Variants in MCM10 observed in about 807,000 individuals in gnomAD.
The protein encoded by MCM10 is protein MCM10 homolog.
In MCM10, 91 loss-of-function variants were observed where a neutral mutation model predicts 109.9. The ratio of observed to expected loss-of-function variants is 0.83; its 90% CI spans 0.70 to 0.99. The LOEUF is 0.99. Ranked by LOEUF, MCM10 falls within the 50% of genes least tolerant of loss-of-function variation. The pLI, the probability that MCM10 is intolerant of heterozygous loss-of-function variation, is 0.00. For synonymous variants in MCM10, 380 were observed against 387.2 expected (o/e 0.98, Z 0.22); for missense variants, 1,077 against 1,061.2 (o/e 1.01, Z -0.21).
rs141623421 is a variant in MCM10 at position 13,194,315 on chromosome 10, A to G, written c.1746-726A>G. On this transcript the variant is annotated intron_variant, in intron 13 of 19. Transcript: ENST00000378714. Reference sequence around the variant, plus strand: ...GAGGCAGAGGTGGCAGCGAGCCGCAATCGTGCCAACGCACTCTAGTCTGGG... The same window carrying G: ...GAGGCAGAGGTGGCAGCGAGCCGCAGTCGTGCCAACGCACTCTAGTCTGGG... 4.8e-4 allele frequency among the ~76,000 whole-genome samples: 73 copies of G among 152,324 alleles called. 2 individuals carry two copies. The highest frequency in any genetic ancestry group is 3.4e-3 in the Middle Eastern group (1 of 292).
rs755015664 is a variant in MCM10 at position 13,164,187 on chromosome 10, C to G, written c.-16C>G. ...CCTCCTTCGAAGTTTCCTGTCACAA[C>G]TGTCCTCTTGACAGCATGGATGGTA... On this transcript the variant is annotated 5_prime_UTR_variant, in exon 2 of 20. Transcript: ENST00000378714. The G allele has an allele frequency of 4.5e-5, 72 of 1,588,810 alleles. No homozygotes were observed. The South Asian group carries it at 7.8e-4, about 17-fold the overall frequency.
At chr10:13,184,018 G>A (rs1374067885) in intron 8 of MCM10, among the ~76,000 whole-genome samples, 1 of 152,056 alleles carries the variant, frequency 6.6e-6, no homozygotes, top group Non-Finnish European at 1.5e-5. Flanking sequence ...ACCATGCCTA[G>A]CTAATTTTTT....
chr10:13,189,632 C>T (rs937606588), intron 10 of MCM10, among the ~76,000 whole-genome samples: 1 of 152,136 alleles, frequency 6.6e-6, no homozygotes, highest in African/African-American at 2.4e-5. Flanking sequence ...CCCTCTTTGA[C>T]TTCTAATGTG....
Position 13,179,356 on chromosome 10 carries a change from T to C in MCM10, c.765-1086T>C, listed in dbSNP as rs542712484. On this transcript the variant is annotated intron_variant, in intron 6 of 19. Transcript: ENST00000378714. ...GCTGGACACCATGGCTGTGGCCCCC[T>C]ACCTGGCCTTCAGGGTTCAGGCAGC... 2.0e-4 allele frequency among the ~76,000 whole-genome samples: 31 copies of C among 152,302 alleles called. 2 individuals are homozygous for C. The South Asian group carries it at 6.2e-3, about 31-fold the overall frequency.
At chr10:13,200,067 G>A (rs574825252) in intron 16 of MCM10, among the ~76,000 whole-genome samples, 43 of 152,262 alleles carry the variant, frequency 2.8e-4, no homozygotes, top group African/African-American at 1.0e-3. Context: ...CTGGGCTCAA[G>A]TGATGTTCCC....
In MCM10 at chr10:13,209,834, C is replaced by T. The variant is rs1165781204; in HGVS notation, c.*524C>T. On this transcript the variant is annotated 3_prime_UTR_variant, in exon 20 of 20. Transcript: ENST00000378714. ...GATTTCTACAAATAATAAAACTTTC[C>T]CATCTAGATAATGATGATCACATAG... 6.4e-6 allele frequency: 1 copy of T among 155,528 alleles called. No homozygotes were observed. Among genetic ancestry groups the T allele is most frequent in the Non-Finnish European group, 1.4e-5 (1 of 70,340 alleles). 9.6% of individuals were successfully genotyped at this position (155,528 alleles called of 1,614,324 possible). A position where few individuals can be genotyped will look rare whatever the true frequency, so the allele number is the denominator to read the frequency against.
At chr10:13,185,498 G>A (rs1043948913) in intron 8 of MCM10, among the ~76,000 whole-genome samples, 1 of 152,166 alleles carries the variant, frequency 6.6e-6, no homozygotes, top group Non-Finnish European at 1.5e-5. Flanking sequence ...TGTCAGGAAA[G>A]CAGAAGCTTC....
chr10:13,197,803 A>C (rs763206456), intron 15 of MCM10, 36 bp downstream of exon 15: 1 of 1,586,372 alleles, frequency 6.3e-7, no homozygotes, highest in Admixed American at 1.9e-5. Flanking sequence ...GGGAAAGAGA[A>C]ACTGTTTCTA....
chr10:13,209,035 T>A (rs1320567578), intron 18 of MCM10, 56 bp from the exon 19 acceptor site: 3 of 1,319,552 alleles, frequency 2.3e-6, no homozygotes, highest in Non-Finnish European at 3.3e-6. Context: ...CACCGTCGTC[T>A]TTACATGAGT....
intron 1 of MCM10, among the ~76,000 whole-genome samples, chr10:13,163,211 C>T (rs781670424): frequency 1.3e-5 from 2 of 151,992 alleles, no homozygotes; most frequent in East Asian, 1.9e-4. Flanking sequence ...TGGTAGTGCA[C>T]GTTTGTAATC....
intron 16 of MCM10, among the ~76,000 whole-genome samples, chr10:13,199,052 C>A (rs770976925): frequency 2.0e-5 from 3 of 152,146 alleles, no homozygotes; most frequent in Non-Finnish European, 4.4e-5. Context: ...CCTGCCACCA[C>A]ACGAAGCAAA....
chr10:13,163,597 T>C (rs61628823), intron 1 of MCM10, among the ~76,000 whole-genome samples: 31,267 of 152,084 alleles, frequency 0.21, 3,406 homozygotes, highest in South Asian at 0.26. Flanking sequence ...AGTAGAATCA[T>C]ACAGTAAGCT....
chr10:13,197,046 C>T (rs1262985066), intron 14 of MCM10, among the ~76,000 whole-genome samples: 2 of 110,706 alleles, frequency 1.8e-5, no homozygotes, highest in African/African-American at 5.6e-5. Flanking sequence ...CCATCTCAGT[C>T]CCCTGAGTAG....
At chr10:13,197,894 T>G in intron 15 of MCM10, 127 bp downstream of exon 15, 1 of 921,006 alleles carries the variant, frequency 1.1e-6, no homozygotes, top group Non-Finnish European at 1.6e-6. Context: ...AATACCTAAA[T>G]AGAATTTCTA....
chr10:13,173,519 C>T (rs1834102866), intron 5 of MCM10, among the ~76,000 whole-genome samples: 1 of 152,178 alleles, frequency 6.6e-6, no homozygotes, highest in Admixed American at 6.5e-5. Flanking sequence ...AGGCTTTCTG[C>T]CCTATGTATT....
At chr10:13,185,339 C>T (rs1834260759) in intron 8 of MCM10, among the ~76,000 whole-genome samples, 1 of 152,204 alleles carries the variant, frequency 6.6e-6, no homozygotes, top group Admixed American at 6.5e-5. Context: ...GACAGTCCCT[C>T]TTGGTACAGT....
intron 5 of MCM10, among the ~76,000 whole-genome samples, chr10:13,174,682 C>T (rs560009822): frequency 1.8e-4 from 27 of 152,298 alleles, no homozygotes; most frequent in Non-Finnish European, 3.2e-4. Flanking sequence ...CTGATGGTCA[C>T]ATGTGTCTGG....
chr10:13,170,592 C>A (rs1010820791), intron 2 of MCM10, among the ~76,000 whole-genome samples: 1 of 152,246 alleles, frequency 6.6e-6, no homozygotes, highest in East Asian at 1.9e-4. Flanking sequence ...AGCCCAGTGT[C>A]CCCTAAGAAG....
rs2131594881 is a variant in MCM10, at chr10:13,210,118, A to G, written c.*808A>G. On this transcript the variant is annotated 3_prime_UTR_variant, in exon 20 of 20. Transcript: ENST00000378714. ...ACCCTGGCTGGAGTGCAGTAGTGCG[A>G]TCGCGGCACACTGCAGCCTTGGCTT... is the stretch of plus-strand genomic sequence containing the variant. 1 of 151,918 alleles carries G rather than the reference A, an allele frequency of 6.6e-6. No homozygotes were observed. Among genetic ancestry groups the G allele is most frequent in the African/African-American group, 2.4e-5 (1 of 41,402 alleles). The allele number at this position is 151,918 out of a possible 1,614,324, so 9.4% of individuals were successfully genotyped here.
Sources: allele counts gnomAD v4.1 joint callset (sites outside exome capture counted in the v4.1 genomes callset), GRCh38; gene constraint gnomAD v4.1.1; transcripts MANE v1.5; gene names NCBI Gene and HGNC (gene_info 2026-07-23, HGNC 2026-07-21).